The following SNX17 variants were observed in gnomAD, a reference collection of about 807,000 sequenced individuals.
SNX17 encodes the protein sorting nexin-17.
Under a neutral mutation model 64.3 loss-of-function variants are expected in SNX17, and 35 were observed. The ratio of observed to expected loss-of-function variants is 0.54; its 90% confidence interval spans 0.42 to 0.72. The LOEUF (loss-of-function observed/expected upper bound fraction) is 0.72, where lower values mean the gene tolerates loss of function less well. Among genes scored for constraint, SNX17 ranks in the 30% least tolerant of loss-of-function variants. SNX17 has a pLI of 0.00. For missense variants in SNX17, 538 were observed against 610.0 expected (o/e 0.88, Z 1.24); for synonymous variants, 259 against 230.2 (o/e 1.13, Z -1.13).
In SNX17 at chr2:27,375,712, G is replaced by A; in HGVS notation, c.978+3G>A. The A allele has an allele frequency of 6.2e-7, 1 of 1,613,856 alleles. No homozygotes were observed. ...GATGCTGGCGGGTCACCTCCTCTGT[G>A]AGTCGGGTTAGGAGGGGGAAGGGCC... On this transcript the variant is annotated splice_donor_region_variant and intron_variant, in intron 10 of 14. Coordinates refer to ENST00000233575, the MANE Select transcript of SNX17 (RefSeq NM_014748.4). This position sits in a 1 kb window ranked among gnomAD's most constrained non-coding sequence, Gnocchi z 4.1.
rs748201847 is a variant in SNX17 at position 27,371,354 on chromosome 2, C to G, written c.138+11C>G. ...GGGCTGCACGAGCAGGTGGGACTAG[C>G]ACCCCTGCCTTGAGACAGCTTCAAG... On this transcript the variant is annotated intron_variant, in intron 2 of 14. Coordinates refer to ENST00000233575, the MANE Select transcript of SNX17 (RefSeq NM_014748.4). 2.5e-6 allele frequency: 4 copies of G among 1,608,124 alleles called. No individual in the cohort carries two copies. In the Admixed American group the frequency reaches 6.7e-5, roughly 27 times the overall value.
chr2:27,375,401 G>A lies in SNX17; in HGVS notation c.775-105G>A, dbSNP rs1683090319. 12 of 1,200,276 alleles carry A rather than the reference G, an allele frequency of 1.0e-5. No individual in the cohort carries two copies. Among genetic ancestry groups the A allele is most frequent in the Non-Finnish European group, 1.4e-5 (12 of 828,884 alleles). The allele number at this position is 1,200,276 out of a possible 1,614,324, so 74.4% of individuals were successfully genotyped here. On this transcript the variant is annotated intron_variant, in intron 9 of 14. Coordinates refer to ENST00000233575, the MANE Select transcript of SNX17 (RefSeq NM_014748.4). The surrounding 1 kb of genome is among the most constrained non-coding windows in gnomAD (Gnocchi z 4.1). ...GATCTGTCTGCCTCTGCCTCCTAAA[G>A]TGCTGGGATTATAGGCATGAGCCAC...
Position 27,375,068 on chromosome 2 carries a change from C to G in SNX17, c.689C>G (p.Ser230Ter), listed in dbSNP as rs750869135. The G allele has an allele frequency of 1.2e-6, 2 of 1,613,936 alleles. No homozygotes were observed. The highest frequency in any genetic ancestry group is 1.7e-6 in the Non-Finnish European group (2 of 1,179,958). Reference protein sequence around the residue: ...GLNLLYAQTVSDIERGWILVT... With the variant: ...GLNLLYAQTV ...CCCTTGTCTCTACTATAGACGGTAT[C>G]AGATATTGAGCGTGGGTGGATCTTG... Residue 230 changes from serine (S) to a stop codon, truncating the protein, a stop_gained, in exon 9 of 15, where the codon TCA (serine) becomes TGA (stop). Transcript: ENST00000233575. LOFTEE classifies it high-confidence loss of function. This position sits in a 1 kb window ranked among gnomAD's most constrained non-coding sequence, Gnocchi z 4.1.
rs981370620 is a variant in SNX17, at chr2:27,375,525, C to T, written c.794C>T (p.Thr265Met). Residue 265 changes from threonine to methionine, a missense_variant, in exon 10 of 15, where the codon ACG (threonine) becomes ATG (methionine). Around this residue, in one of 3 missense-constraint regions of SNX17, gnomAD observed 505 missense variants for 550.4 expected, o/e 0.92. Transcript: ENST00000233575. This position sits in a 1 kb window ranked among gnomAD's most constrained non-coding sequence, Gnocchi z 4.1. ...TTTCAGTTCCTGAGACTGGCCCAGA[C>T]GCTGCGGCACTATGGCTACTTGCGC... ...SKKEFLRLAQ[T>M]LRHYGYLRFD... 20 of 1,614,036 alleles carry T rather than the reference C, an allele frequency of 1.2e-5. No individual in the cohort carries two copies. Among genetic ancestry groups the T allele is most frequent in the African/African-American group, 1.2e-4 (9 of 74,946 alleles).
chr2:27,376,600 T>C lies in SNX17; in HGVS notation c.1300-6T>C, dbSNP rs975168861. On this transcript the variant is annotated splice_region_variant and splice_polypyrimidine_tract_variant and intron_variant, in intron 14 of 14. Coordinates refer to ENST00000233575, the MANE Select transcript of SNX17 (RefSeq NM_014748.4). ...GATCTCTGACCCCACCCTGCCTTTG[T>C]TACAGAGTAAGCTGAGTGCCGTGAG... 28 of 1,614,074 alleles carry C rather than the reference T, an allele frequency of 1.7e-5. No individual in the cohort carries two copies. Among genetic ancestry groups the C allele is most frequent in the Non-Finnish European group, 8.5e-7 (1 of 1,180,032 alleles).
rs922991984 is a variant in SNX17 at position 27,375,271 on chromosome 2, T to C, written c.774+118T>C. 17 of 1,020,422 alleles carry C rather than the reference T, an allele frequency of 1.7e-5. No individual in the cohort carries two copies. Among genetic ancestry groups the C allele is most frequent in the Non-Finnish European group, 2.3e-5 (16 of 692,298 alleles). 63.2% of individuals were successfully genotyped at this position (1,020,422 alleles called of 1,614,324 possible). On this transcript the variant is annotated intron_variant, in intron 9 of 14. Transcript: ENST00000233575. The surrounding 1 kb of genome is among the most constrained non-coding windows in gnomAD (Gnocchi z 4.1). Reference sequence around the variant, plus strand: ...CTCCCGCCTCAGCCTCCCGAGTAGCTGGGACTACAGGCACCCGCCACGACG... The same window carrying C: ...CTCCCGCCTCAGCCTCCCGAGTAGCCGGGACTACAGGCACCCGCCACGACG...
At chr2:27,374,936 G>A (rs1683013263) in intron 8 of SNX17, 125 bp from the exon 9 acceptor site, 1 of 942,060 alleles carries the variant, frequency 1.1e-6, no homozygotes, top group Non-Finnish European at 1.6e-6. Context: ...CAAGATCAAG[G>A]ACTTACTGCA....
Position 27,375,199 on chromosome 2 carries a change from C to A in SNX17, c.774+46C>A. ...GTCTTCCTCTAAGGGCTTGCAGTGGCGCGATCTTGGCTCACTGCAAGCTCT... is the reference window on the plus strand; with the variant it reads ...GTCTTCCTCTAAGGGCTTGCAGTGGAGCGATCTTGGCTCACTGCAAGCTCT... On this transcript the variant is annotated intron_variant, in intron 9 of 14. Coordinates refer to ENST00000233575, the MANE Select transcript of SNX17 (RefSeq NM_014748.4). The surrounding 1 kb of genome is among the most constrained non-coding windows in gnomAD (Gnocchi z 4.1). 1 of 1,543,360 alleles carries A rather than the reference C, an allele frequency of 6.5e-7. No individual in the cohort carries two copies.
At position 27,375,802 on chromosome 2, in the gene SNX17, G is replaced by A. The variant is rs376343615; in HGVS notation, c.979-44G>A. On this transcript the variant is annotated intron_variant, in intron 10 of 14. Transcript: ENST00000233575. The surrounding 1 kb of genome is among the most constrained non-coding windows in gnomAD (Gnocchi z 4.1). ...CTGCAGCGGGTCAGGGAGCCAGACA[G>A]GTTGGTCAGAGTGAACTCAACCGAA... 2.5e-6 allele frequency: 4 copies of A among 1,610,850 alleles called. No homozygotes were observed. Among genetic ancestry groups the A allele is most frequent in the Non-Finnish European group, 3.4e-6 (4 of 1,178,288 alleles).
intron 2 of SNX17, among the ~76,000 whole-genome samples, chr2:27,371,918 CTT>C (rs1682628262): frequency 1.3e-5 from 2 of 152,210 alleles, no homozygotes; most frequent in Non-Finnish European, 2.9e-5. Flanking sequence ...GAGTTTCTCT[CTT>C]GTTGCCCAGG....
Position 27,374,184 on chromosome 2 carries a change from C to T in SNX17, c.523+9C>T. 1.2e-6 allele frequency: 2 copies of T among 1,612,752 alleles called. No individual in the cohort carries two copies. The highest frequency in any genetic ancestry group is 4.5e-5 in the East Asian group (2 of 44,902). ...GGATGGAGCCTTTTCTTGTGAGTTT[C>T]TCTGGACTTGACTGCAGTACAAGGG... On this transcript the variant is annotated intron_variant, in intron 6 of 14. Transcript: ENST00000233575.
intron 1 of SNX17, 74 bp from the exon 2 acceptor site, chr2:27,371,195 A>T (rs1017179683): frequency 4.3e-6 from 6 of 1,386,264 alleles, no homozygotes; most frequent in Non-Finnish European, 6.1e-6. Flanking sequence ...TTGCCAGGCA[A>T]CTTCCGGCCA....
chr2:27,376,097 T>G lies in SNX17; in HGVS notation c.1105-9T>G. The G allele has an allele frequency of 6.2e-7, 1 of 1,614,166 alleles. No homozygotes were observed. On this transcript the variant is annotated splice_polypyrimidine_tract_variant and intron_variant, in intron 11 of 14. Coordinates refer to ENST00000233575, the MANE Select transcript of SNX17 (RefSeq NM_014748.4). ...CTCTCATCAAGCTGGACACTCTTCTTGCCCTCAGGCTATCATGATGAGCAT... is the reference window on the plus strand; with the variant it reads ...CTCTCATCAAGCTGGACACTCTTCTGGCCCTCAGGCTATCATGATGAGCAT...
At chr2:27,371,242 A>C in intron 1 of SNX17, 27 bp from the exon 2 acceptor site, 2 of 1,610,526 alleles carry the variant, frequency 1.2e-6, no homozygotes, top group African/African-American at 1.3e-5. Flanking sequence ...GCAACCCTAA[A>C]ATGCTTGACT....
At chr2:27,371,772 T>A (rs1682588840) in intron 2 of SNX17, 1 of 161,336 alleles carries the variant, frequency 6.2e-6, no homozygotes, top group African/African-American at 2.4e-5. Context: ...GCTGTGCCAA[T>A]TATCGTTATG....
Position 27,374,604 on chromosome 2 carries a change from G to C in SNX17, c.612-85G>C, listed in dbSNP as rs144090541. 544 of 1,386,652 alleles carry C rather than the reference G, an allele frequency of 3.9e-4. 3 individuals are homozygous for C. The African/African-American group carries it at 6.7e-3, about 17-fold the overall frequency. The allele number at this position is 1,386,652 out of a possible 1,614,324, so 85.9% of individuals were successfully genotyped here. On this transcript the variant is annotated intron_variant, in intron 7 of 14. Coordinates refer to ENST00000233575, the MANE Select transcript of SNX17 (RefSeq NM_014748.4). ...CATTAGCCCCTGATAGTTCCAGATTGCTCCTGTTTTGCCCATTTTCCATTC... is the reference window on the plus strand; with the variant it reads ...CATTAGCCCCTGATAGTTCCAGATTCCTCCTGTTTTGCCCATTTTCCATTC...
rs1008485113 is a variant in SNX17 at position 27,372,544 on chromosome 2, G to T, written c.139-79G>T. The T allele has an allele frequency of 2.9e-5, 46 of 1,605,250 alleles. 1 individual carries two copies. Among genetic ancestry groups the T allele is most frequent in the Non-Finnish European group, 3.3e-5 (39 of 1,174,166 alleles). ...TGAGGGAAGGGAGGGGCACCCAAGA[G>T]AACATTATGAGCATATGTAGATTGC... On this transcript the variant is annotated intron_variant, in intron 2 of 14. Coordinates refer to ENST00000233575, the MANE Select transcript of SNX17 (RefSeq NM_014748.4).
intron 1 of SNX17, 81 bp from the exon 2 acceptor site, chr2:27,371,188 C>T: frequency 7.7e-7 from 1 of 1,296,902 alleles, no homozygotes; most frequent in South Asian, 1.2e-5. Flanking sequence ...CGGCGAGTTG[C>T]CAGGCAACTT....
chr2:27,373,385 C>T, intron 4 of SNX17, 74 bp downstream of exon 4: 3 of 1,495,250 alleles, frequency 2.0e-6, no homozygotes, highest in Non-Finnish European at 2.8e-6. Flanking sequence ...TTTTTTGAGA[C>T]AGAGTCTTGC....
Sources: gnomAD v4.1 joint callset for allele counts (sites outside exome capture counted in the v4.1 genomes callset) on GRCh38, gnomAD v4.1.1 for gene constraint, gnomAD v4.1.1 regional missense constraint, Gnocchi (gnomAD v3.1) non-coding constraint, MANE v1.5 for transcripts, NCBI Gene and HGNC (gene_info 2026-07-23, HGNC 2026-07-21) for gene names.